The following FBLN7 variants were observed in gnomAD, a reference collection of about 807,000 sequenced individuals.
The protein encoded by FBLN7 is fibulin-7.
FBLN7 carries 31 observed loss-of-function variants against 44.0 expected under a neutral mutation model. That is an observed-to-expected ratio of 0.70 (90% CI 0.53 to 0.95). FBLN7 has a LOEUF of 0.95. FBLN7 is among the 40% of genes least tolerant of loss of function. The probability of loss-of-function intolerance (pLI) is 0.00; values close to 1 mark genes in which losing one functional copy is unlikely to be tolerated. For synonymous variants in FBLN7, 262 were observed against 253.4 expected, an observed-to-expected ratio of 1.03 and a Z score of -0.32; for missense variants, 573 against 618.5, an observed-to-expected ratio of 0.93 and a Z score of 0.78.
downstream of FBLN7, among the ~76,000 whole-genome samples, chr2:112,192,309 G>A (rs556211528): frequency 1.3e-5 from 2 of 152,268 alleles, no homozygotes; most frequent in African/African-American, 4.8e-5. Flanking sequence ...GAACATTCTT[G>A]TTCCTGAATC....
intron 1 of FBLN7, among the ~76,000 whole-genome samples, chr2:112,142,859 ATCTG>A (rs1680721616): frequency 6.6e-6 from 1 of 151,782 alleles, no homozygotes; most frequent in South Asian, 2.1e-4. Context: ...TTGTGTGTGC[ATCTG>A]TCTGCGTGAG....
chr2:112,232,029 T>G, the FBLN7 span: 1 of 812,724 alleles, frequency 1.2e-6, no homozygotes, highest in Non-Finnish European at 1.8e-6. Flanking sequence ...TTTTCCTAAA[T>G]AAAGACCTCT....
chr2:112,141,732 G>T lies in FBLN7; in HGVS notation c.75+3002G>T, dbSNP rs1247992794. ...TCCAAGGAGGCAGCGTGGACAGGAT[G>T]TGTGATGAGATGCGTGAGAACCAGG... On this transcript the variant is annotated intron_variant, in intron 1 of 7. Transcript: ENST00000331203. 3.9e-5 allele frequency among the ~76,000 whole-genome samples: 6 copies of T among 152,346 alleles called. No homozygotes were observed. The East Asian group carries it at 9.6e-4, about 24-fold the overall frequency.
intron 2 of FBLN7, among the ~76,000 whole-genome samples, chr2:112,160,207 G>T (rs944782595): frequency 6.6e-6 from 1 of 152,148 alleles, no homozygotes; most frequent in Admixed American, 6.5e-5. Context: ...AGCCAGGATG[G>T]TCTCGATCTC....
the FBLN7 span, among the ~76,000 whole-genome samples, chr2:112,228,193 G>C: frequency 6.6e-6 from 1 of 152,088 alleles, no homozygotes; most frequent in African/African-American, 2.4e-5. Flanking sequence ...AGGGGGAAGG[G>C]GCAGTCTTTT....
At chr2:112,244,120 A>G in the FBLN7 span, among the ~76,000 whole-genome samples, 1 of 152,016 alleles carries the variant, frequency 6.6e-6, no homozygotes. Context: ...AAGATTCACA[A>G]TCGCATAGAA....
chr2:112,184,317 A>C lies in FBLN7; in HGVS notation c.809-884A>C, dbSNP rs542034383. On this transcript the variant is annotated intron_variant, in intron 6 of 7. Coordinates refer to ENST00000331203, the MANE Select transcript of FBLN7 (RefSeq NM_153214.3). ...GGCTCCTCCATGGGCTGACGTGGGA[A>C]TGTGAGGGGAGAGGTGGCTCCCCGG... 6.6e-5 allele frequency among the ~76,000 whole-genome samples: 10 copies of C among 152,226 alleles called. 1 individual carries two copies. In the East Asian group the frequency reaches 1.5e-3, roughly 24 times the overall value.
chr2:112,167,895 G>GTTATC (rs1682250677), intron 3 of FBLN7, among the ~76,000 whole-genome samples: 1 of 151,528 alleles, frequency 6.6e-6, no homozygotes, highest in African/African-American at 2.4e-5. Context: ...GTTATGTTAT[G>GTTATC]TTATGTTATG....
chr2:112,180,775 T>A (rs1276048083), intron 4 of FBLN7, among the ~76,000 whole-genome samples: 3 of 151,526 alleles, frequency 2.0e-5, no homozygotes, highest in African/African-American at 7.3e-5. Context: ...ACAAAAAAAT[T>A]TGCCCGGTGT....
At chr2:112,199,221 G>T in the FBLN7 span, among the ~76,000 whole-genome samples, 5 of 152,150 alleles carry the variant, frequency 3.3e-5, no homozygotes, top group African/African-American at 1.2e-4. Context: ...TTCTCCTTTA[G>T]CATCCCTGCA....
At chr2:112,159,862 G>T in intron 2 of FBLN7, 27 bp downstream of exon 2, 1 of 1,500,518 alleles carries the variant, frequency 6.7e-7, no homozygotes, top group Non-Finnish European at 8.9e-7. Flanking sequence ...GCACCGCTGG[G>T]GCGGCAGCGC....
intron 1 of FBLN7, chr2:112,151,967 A>C (rs1054606219): frequency 1.3e-5 from 2 of 152,238 alleles, no homozygotes; most frequent in Non-Finnish European, 2.9e-5. Context: ...GTTTGGTGGT[A>C]AGATGAGCAA....
At chr2:112,218,236 T>A in the FBLN7 span, among the ~76,000 whole-genome samples, 1 of 152,228 alleles carries the variant, frequency 6.6e-6, no homozygotes, top group Non-Finnish European at 1.5e-5. Flanking sequence ...CATTAATAAT[T>A]GTTACTGCTT....
intron 1 of FBLN7, among the ~76,000 whole-genome samples, chr2:112,140,823 C>T (rs747949114): frequency 4.6e-5 from 7 of 152,292 alleles, no homozygotes; most frequent in East Asian, 1.9e-4. Flanking sequence ...CTTCCCGAGC[C>T]GGCGAGGCCC....
the FBLN7 span, among the ~76,000 whole-genome samples, chr2:112,236,029 C>T: frequency 2.2e-4 from 34 of 151,752 alleles, no homozygotes; most frequent in East Asian, 6.0e-3. Flanking sequence ...TGGTGGGAGC[C>T]GAGGCAGGTG....
At chr2:112,174,846 A>T (rs1376459747) in intron 3 of FBLN7, among the ~76,000 whole-genome samples, 1 of 152,152 alleles carries the variant, frequency 6.6e-6, no homozygotes, top group Non-Finnish European at 1.5e-5. Flanking sequence ...AGTAGCTGGG[A>T]TTACAGGCAC....
intron 3 of FBLN7, among the ~76,000 whole-genome samples, chr2:112,165,580 A>G (rs1159764811): frequency 6.6e-6 from 1 of 152,146 alleles, no homozygotes; most frequent in African/African-American, 2.4e-5. Flanking sequence ...TGAGGGCAAG[A>G]AGCTGCTCAT....
intron 1 of FBLN7, among the ~76,000 whole-genome samples, chr2:112,142,788 A>G (rs567744801): frequency 2.2e-5 from 3 of 134,272 alleles, no homozygotes; most frequent in Admixed American, 1.5e-4. Context: ...GTGTGTCAAT[A>G]GATGTATGTG....
chr2:112,160,030 GC>G (rs1485227806), intron 2 of FBLN7, among the ~76,000 whole-genome samples, 195 bp downstream of exon 2: 1 of 151,124 alleles, frequency 6.6e-6, no homozygotes, highest in Non-Finnish European at 1.5e-5. Flanking sequence ...TCGCTCTGTC[GC>G]CCAGGCTGGA....
Sources: gnomAD v4.1 joint callset for allele counts (sites outside exome capture counted in the v4.1 genomes callset) on GRCh38, gnomAD v4.1.1 for gene constraint, MANE v1.5 for transcripts, NCBI Gene and HGNC (gene_info 2026-07-23, HGNC 2026-07-21) for gene names.